Variants in MEGF6 observed in about 807,000 individuals in gnomAD.
The protein encoded by MEGF6 is multiple EGF like domains 6.
A neutral mutation model predicts 207.1 loss-of-function variants in MEGF6; 184 were observed. The observed-to-expected ratio is 0.89, with a 90% confidence interval of 0.79 to 1.00. The LOEUF (loss-of-function observed/expected upper bound fraction) is 1.00. MEGF6 is among the 50% of genes least tolerant of loss of function. MEGF6 has a pLI of 0.00. For synonymous variants in MEGF6, 1,038 were observed against 910.0 expected (o/e 1.14, Z -2.53); for missense variants, 2,282 against 2,202.9 (o/e 1.04, Z -0.72).
chr1:3,569,039 C>G (rs527270790), intron 4 of MEGF6, among the ~76,000 whole-genome samples: 1 of 152,206 alleles, frequency 6.6e-6, no homozygotes, highest in East Asian at 1.9e-4. Flanking sequence ...CTGCCCGGTA[C>G]GGGTCTGCCA....
At chr1:3,531,977 A>G (rs1415806818) in intron 4 of MEGF6, among the ~76,000 whole-genome samples, 1 of 152,178 alleles carries the variant, frequency 6.6e-6, no homozygotes, top group Non-Finnish European at 1.5e-5. Flanking sequence ...CAGTGCCTGC[A>G]CTGTCCTGTC....
intron 36 of MEGF6, among the ~76,000 whole-genome samples, 153 bp from the exon 37 acceptor site, chr1:3,490,742 C>T (rs1386538017): frequency 6.6e-6 from 1 of 152,172 alleles, no homozygotes; most frequent in Non-Finnish European, 1.5e-5. Flanking sequence ...CCAGCCTGTC[C>T]TTCCCAGCTC....
chr1:3,494,794 C>T (rs1241571385), intron 30 of MEGF6, 53 bp from the exon 31 acceptor site: 62 of 1,491,076 alleles, frequency 4.2e-5, no homozygotes, highest in Non-Finnish European at 5.6e-5. Context: ...GCTGGGCTCC[C>T]TCTGGGGATA....
At chr1:3,502,582 T>C (rs1640950143) in intron 17 of MEGF6, among the ~76,000 whole-genome samples, 1 of 152,068 alleles carries the variant, frequency 6.6e-6, no homozygotes, top group Non-Finnish European at 1.5e-5. Context: ...GGGTCCCCCC[T>C]GCTCCACCCG....
At chr1:3,617,055 C>T in the MEGF6 span, among the ~76,000 whole-genome samples, 2 of 152,120 alleles carry the variant, frequency 1.3e-5, no homozygotes, top group Non-Finnish European at 2.9e-5. Context: ...TCCCCCTCTA[C>T]ACCCTGCTCC....
intron 4 of MEGF6, among the ~76,000 whole-genome samples, chr1:3,548,876 C>A (rs999488780): frequency 6.6e-6 from 1 of 152,162 alleles, no homozygotes; most frequent in African/African-American, 2.4e-5. Context: ...TTCAGGGACC[C>A]CCCCACACCC....
At chr1:3,498,169 A>C (rs1640689862) in intron 26 of MEGF6, among the ~76,000 whole-genome samples, 1 of 152,060 alleles carries the variant, frequency 6.6e-6, no homozygotes, top group Non-Finnish European at 1.5e-5. Context: ...AAGCAGCAGC[A>C]CTCTGTCCCC....
At chr1:3,493,732 C>G in intron 34 of MEGF6, 39 bp downstream of exon 34, 1 of 1,600,496 alleles carries the variant, frequency 6.2e-7, no homozygotes, top group Non-Finnish European at 8.5e-7. Context: ...TGATGGAGAC[C>G]CACACCCACG....
intron 4 of MEGF6, among the ~76,000 whole-genome samples, chr1:3,531,620 C>G (rs1642178373): frequency 6.6e-6 from 1 of 151,950 alleles, no homozygotes; most frequent in Admixed American, 6.6e-5. Flanking sequence ...GGGACCTAGG[C>G]ACAAACGCAG....
chr1:3,587,559 T>C (rs1322142741), intron 3 of MEGF6, among the ~76,000 whole-genome samples: 1 of 152,248 alleles, frequency 6.6e-6, no homozygotes, highest in African/African-American at 2.4e-5. Context: ...CCTGCGTGCC[T>C]GCGGCTCTGA....
chr1:3,500,054 G>T, intron 21 of MEGF6, 130 bp from the exon 22 acceptor site: 1 of 1,328,260 alleles, frequency 7.5e-7, no homozygotes, highest in East Asian at 2.5e-5. Context: ...TCCTGCCCAA[G>T]GGAGACTGGG....
At chr1:3,545,961 C>G (rs1193411522) in intron 4 of MEGF6, among the ~76,000 whole-genome samples, 2 of 152,186 alleles carry the variant, frequency 1.3e-5, no homozygotes, top group Non-Finnish European at 2.9e-5. Context: ...CTCCAAACGG[C>G]TCGCAGCTGG....
chr1:3,514,620 C>T lies in MEGF6; in HGVS notation c.783G>A (p.Val261=), dbSNP rs1312462239. The change falls in exon 7 of 37, where the codon GTG becomes GTA. Residue 261 remains valine (V), a synonymous_variant. Transcript: ENST00000356575. ...ACTCACAGCGGGCGAGGCCCCGGAC[C>T]ACCTGGCACCTGTGCATGCAGCTGC... is the stretch of plus-strand genomic sequence containing the variant. ...RNGSCMHRCQ[V]VRGLARCECH... 6.3e-7 allele frequency: 1 copy of T among 1,579,906 alleles called. No individual in the cohort carries two copies. The highest frequency in any genetic ancestry group is 2.3e-5 in the East Asian group (1 of 43,286).
intron 4 of MEGF6, among the ~76,000 whole-genome samples, chr1:3,543,326 C>T (rs1642589112): frequency 6.6e-6 from 1 of 152,254 alleles, no homozygotes; most frequent in African/African-American, 2.4e-5. Context: ...GACCAAGCAA[C>T]GCGGCCCTTC....
the MEGF6 span, among the ~76,000 whole-genome samples, chr1:3,619,917 C>T: frequency 3.3e-5 from 5 of 152,146 alleles, no homozygotes; most frequent in Admixed American, 6.5e-5. Flanking sequence ...TTTGGAACTT[C>T]CTAGAGACTT....
In MEGF6 at chr1:3,499,122, C is replaced by G. The variant is rs569906433; in HGVS notation, c.3094+16G>C. 11 of 1,601,866 alleles carry G rather than the reference C, an allele frequency of 6.9e-6. No homozygotes were observed. Among genetic ancestry groups the G allele is most frequent in the Non-Finnish European group, 6.0e-6 (7 of 1,175,814 alleles). ...AGGCCTGGACCCCGGTCCCTGGACT[C>G]CTAGATGTGGCTTACCCTGCAGGCA... On this transcript the variant is annotated intron_variant, in intron 24 of 36. Transcript: ENST00000356575.
intron 2 of MEGF6, among the ~76,000 whole-genome samples, chr1:3,600,598 G>A (rs1644141671): frequency 6.6e-6 from 1 of 152,214 alleles, no homozygotes; most frequent in Admixed American, 6.5e-5. Flanking sequence ...GCCGCGTGGA[G>A]TGATATCTGG....
At chr1:3,496,541 G>A (rs1640612397) in intron 29 of MEGF6, 114 bp downstream of exon 29, 1 of 1,461,890 alleles carries the variant, frequency 6.8e-7, no homozygotes, top group East Asian at 2.5e-5. Flanking sequence ...CCCAGCCAGA[G>A]GGGGCTGAAG....
upstream of MEGF6, among the ~76,000 whole-genome samples, chr1:3,611,782 C>T (rs1036720307): frequency 2.0e-5 from 3 of 151,430 alleles, no homozygotes; most frequent in Admixed American, 1.3e-4. Context: ...AGTCCCGCCC[C>T]AGACCCCGCG....
Sources: allele counts gnomAD v4.1 joint callset (sites outside exome capture counted in the v4.1 genomes callset), GRCh38; gene constraint gnomAD v4.1.1; transcripts MANE v1.5; gene names NCBI Gene and HGNC (gene_info 2026-07-23, HGNC 2026-07-21).